Variants in AVEN observed in about 807,000 individuals in gnomAD.
The protein encoded by AVEN is cell death regulator Aven.
AVEN carries 41 observed loss-of-function variants against 38.1 expected under a neutral mutation model. The ratio of observed to expected loss-of-function variants is 1.08; its 90% CI spans 0.84 to 1.40. AVEN has a LOEUF of 1.40. Ranked by LOEUF, AVEN falls within the 40% of genes most tolerant of loss-of-function variation. The pLI is 0.00. For synonymous variants in AVEN, 206 were observed against 171.8 expected (o/e 1.20, Z -1.56); for missense variants, 605 against 438.8 (o/e 1.38, Z -3.38).
At chr15:33,936,570 A>G (rs1894066515) in intron 2 of AVEN, among the ~76,000 whole-genome samples, 1 of 152,200 alleles carries the variant, frequency 6.6e-6, no homozygotes, top group Non-Finnish European at 1.5e-5. Context: ...TCCCCAGATC[A>G]TTCATAACAA....
intron 2 of AVEN, among the ~76,000 whole-genome samples, chr15:33,950,832 C>A (rs1349949506): frequency 6.6e-6 from 1 of 152,118 alleles, no homozygotes; most frequent in Admixed American, 6.6e-5. Flanking sequence ...ATAATGAGAC[C>A]CTGCCTCTAC....
chr15:33,875,865 G>T, intron 3 of AVEN, 60 bp downstream of exon 3: 1 of 1,431,384 alleles, frequency 7.0e-7, no homozygotes, highest in East Asian at 2.3e-5. Context: ...GAACGTAAAA[G>T]GTGTTAGCCT....
intron 2 of AVEN, among the ~76,000 whole-genome samples, chr15:33,884,942 G>C (rs1891644498): frequency 6.6e-6 from 1 of 152,104 alleles, no homozygotes; most frequent in Admixed American, 6.6e-5. Flanking sequence ...TCATATAATT[G>C]ACCTGAATCT....
At chr15:34,060,012 G>A (rs1464090453) in intron 5 of AVEN, among the ~76,000 whole-genome samples, 1 of 152,190 alleles carries the variant, frequency 6.6e-6, no homozygotes, top group Non-Finnish European at 1.5e-5. Context: ...GAATAAAGGA[G>A]AAAGCGATTT....
At chr15:33,942,813 C>A (rs1283155234) in intron 2 of AVEN, among the ~76,000 whole-genome samples, 2 of 152,128 alleles carry the variant, frequency 1.3e-5, no homozygotes, top group Non-Finnish European at 2.9e-5. Flanking sequence ...CTGAGGATTT[C>A]TTTTATCATT....
intron 1 of AVEN, among the ~76,000 whole-genome samples, chr15:34,015,252 G>A (rs1009850616): frequency 1.4e-4 from 22 of 152,144 alleles, no homozygotes; most frequent in African/African-American, 5.3e-4. Context: ...CGGAGGCCAA[G>A]GCAGGCGGGT....
intron 11 of AVEN, chr15:33,859,574 G>GTGT: frequency 6.2e-7 from 1 of 1,613,906 alleles, no homozygotes; most frequent in South Asian, 1.1e-5. Flanking sequence ...TTCTTCTCTA[G>GTGT]TGTTACCTTT....
At chr15:33,855,284 G>A (rs1032916543), downstream of AVEN, among the ~76,000 whole-genome samples, 1 of 151,958 alleles carries the variant, frequency 6.6e-6, no homozygotes, top group East Asian at 1.9e-4. Flanking sequence ...TGCAACCTCC[G>A]ACTCCCAGGT....
Position 33,867,630 on chromosome 15 carries a change from C to G in AVEN, c.838G>C (p.Asp280His). ...KPTSPLQSAG[D>H]HLEEELDLLL... ...AGATCTAGTTCTTCTTCCAAATGGT[C>G]TCCTGCTGACTGCAGTGGGGAAGTG... The change falls in exon 5 of 6, where the codon GAC (aspartate) becomes CAC (histidine). Residue 280 changes from aspartate (D) to histidine (H), a missense_variant. Transcript: ENST00000306730. 6.2e-7 allele frequency: 1 copy of G among 1,614,194 alleles called. No homozygotes were observed. The highest frequency in any genetic ancestry group is 1.1e-5 in the South Asian group (1 of 91,076).
At chr15:34,043,228 C>A (rs1369677667), upstream of AVEN, among the ~76,000 whole-genome samples, 13 of 150,784 alleles carry the variant, frequency 8.6e-5, no homozygotes, top group Admixed American at 2.0e-4. Context: ...GCCTGGGCGA[C>A]CGAGCAAGAA....
chr15:34,016,061 G>C (rs917732885), intron 1 of AVEN, among the ~76,000 whole-genome samples: 1 of 152,188 alleles, frequency 6.6e-6, no homozygotes, highest in Admixed American at 6.5e-5. Context: ...CGGATCGCCT[G>C]AGGTCAGGAG....
intron 5 of AVEN, among the ~76,000 whole-genome samples, chr15:34,048,022 C>CAT (rs1555520323): frequency 1.3e-5 from 2 of 151,470 alleles, no homozygotes; most frequent in East Asian, 3.9e-4. Context: ...ACGTCCAGCT[C>CAT]GTGTGTGTGT....
Position 34,038,856 on chromosome 15 carries a change from C to G in AVEN, c.191G>C (p.Gly64Ala). 1 of 1,158,002 alleles carries G rather than the reference C, an allele frequency of 8.6e-7. No homozygotes were observed. Among genetic ancestry groups the G allele is most frequent in the Non-Finnish European group, 1.1e-6 (1 of 944,238 alleles). 71.7% of individuals were successfully genotyped at this position (1,158,002 alleles called of 1,614,324 possible). ...CGGGGCGCCTCCTCCTCCTCGGCCT[C>G]CGCGAGCGCCGCGGAAGCCCCGGCC... ...GRGRGFRGAR[G>A]GRGGGGAPRG... The change falls in exon 1 of 6, where the codon GGA becomes GCA. Residue 64 changes from glycine (G) to alanine (A), a missense_variant. Gly to Ala is a moderately conservative substitution (Grantham distance 60, BLOSUM62 0). Transcript: ENST00000306730.
chr15:33,908,766 T>C (rs975956047), intron 2 of AVEN, among the ~76,000 whole-genome samples: 3 of 152,224 alleles, frequency 2.0e-5, no homozygotes, highest in Non-Finnish European at 4.4e-5. Context: ...TTCTTTGCTA[T>C]TGTGTATAAA....
intron 1 of AVEN, among the ~76,000 whole-genome samples, chr15:34,019,645 C>T (rs191635784): frequency 6.6e-6 from 1 of 152,322 alleles, no homozygotes; most frequent in East Asian, 1.9e-4. Flanking sequence ...TTTTACTGTA[C>T]CTTTTTTATG....
intron 3 of AVEN, among the ~76,000 whole-genome samples, chr15:33,873,094 C>CTTTTTTTTTTTTT (rs34223352): frequency 5.9e-5 from 5 of 85,138 alleles, no homozygotes; most frequent in African/African-American, 2.0e-4. Flanking sequence ...TTTTCCTTTT[C>CTTTTTTTTTTTTT]TTTTTTTTTT....
At chr15:33,854,358 A>T (rs115350570), downstream of AVEN, 3,058 of 1,538,714 alleles carry the variant, frequency 2.0e-3, 61 homozygotes, top group African/African-American at 0.036. Context: ...CTTGACATTT[A>T]TAAGTTTTAA....
At chr15:33,962,786 G>A (rs1014780825) in intron 2 of AVEN, among the ~76,000 whole-genome samples, 1 of 151,968 alleles carries the variant, frequency 6.6e-6, no homozygotes, top group Non-Finnish European at 1.5e-5. Context: ...CAGGCATGAA[G>A]GCACATACAT....
At chr15:33,859,894 T>C (rs942627726) in intron 11 of AVEN, among the ~76,000 whole-genome samples, 4 of 152,218 alleles carry the variant, frequency 2.6e-5, no homozygotes, top group African/African-American at 7.2e-5. Context: ...GCTTTGGCTA[T>C]ATATAAAGCC....
Sources: gnomAD v4.1 joint callset for allele counts (sites outside exome capture counted in the v4.1 genomes callset) on GRCh38, gnomAD v4.1.1 for gene constraint, MANE v1.5 for transcripts, NCBI Gene and HGNC (gene_info 2026-07-23, HGNC 2026-07-21) for gene names.